The following LRP4 variants were observed in gnomAD, a reference collection of about 807,000 sequenced individuals.
LRP4 encodes low-density lipoprotein receptor-related protein 4.
A neutral mutation model predicts 220.3 loss-of-function variants in LRP4; 95 were observed. The ratio of observed to expected loss-of-function variants is 0.43; its 90% CI spans 0.37 to 0.51. LRP4 has a LOEUF of 0.51. LRP4 is among the 20% of genes least tolerant of loss of function. LRP4 has a pLI of 0.00. For synonymous variants in LRP4, 903 were observed against 954.6 expected, an observed-to-expected ratio of 0.95 and a Z score of 1.00; for missense variants, 1,925 against 2,567.0, an observed-to-expected ratio of 0.75 and a Z score of 5.40.
chr11:46,900,942 A>G (rs1256057048), intron 2 of LRP4, among the ~76,000 whole-genome samples: 1 of 151,488 alleles, frequency 6.6e-6, no homozygotes, highest in Non-Finnish European at 1.5e-5. Flanking sequence ...GCCCGCTGCC[A>G]CACCCAGCTA....
intron 2 of LRP4, among the ~76,000 whole-genome samples, chr11:46,901,276 A>C (rs992940526): frequency 5.9e-5 from 9 of 152,214 alleles, no homozygotes; most frequent in Admixed American, 2.6e-4. Flanking sequence ...TAAGAAAAAC[A>C]TGAGCAAGAG....
At position 46,871,750 on chromosome 11, in the gene LRP4, A is replaced by G. The variant is rs947379893; in HGVS notation, c.4584-117T>C. The G allele has an allele frequency of 5.4e-6, 4 of 735,830 alleles. No individual in the cohort carries two copies. In the African/African-American group the frequency reaches 6.9e-5, roughly 13 times the overall value. The allele number at this position is 735,830 out of a possible 1,614,324, so 45.6% of individuals were successfully genotyped here. On this transcript the variant is annotated intron_variant, in intron 30 of 37. Transcript: ENST00000378623. ...GACTGGCAGATGCTATGAGAACTCA[A>G]GAAGCACCCTCGATGAGGGGTCATT...
intron 1 of LRP4, among the ~76,000 whole-genome samples, chr11:46,916,639 C>G (rs1294530124): frequency 6.6e-6 from 1 of 152,026 alleles, no homozygotes; most frequent in Admixed American, 6.6e-5. Context: ...CCAGCTCCCC[C>G]TTCCCTAGGG....
Position 46,889,541 on chromosome 11 carries a change from A to G in LRP4, c.2093-8T>C. On this transcript the variant is annotated splice_polypyrimidine_tract_variant and splice_region_variant and intron_variant, in intron 15 of 37. Coordinates refer to ENST00000378623, the MANE Select transcript of LRP4 (RefSeq NM_002334.4). The stretch of plus-strand genomic sequence containing the variant: ...CCCCACAGCGGTTTTTCCCTGCTCA[A>G]AGAGCCCAGGGCAAGAGGATCAGCG... 6.2e-7 allele frequency: 1 copy of G among 1,613,432 alleles called. No individual in the cohort carries two copies.
Position 46,896,234 on chromosome 11 carries a change from C to T in LRP4, c.1024G>A (p.Asp342Asn), listed in dbSNP as rs773586709. ...NGVNDCGDNSDESPQQNCRPR... is the reference protein window; with the variant it reads ...NGVNDCGDNSNESPQQNCRPR... ...CGGCAATTCTGCTGTGGGCTTTCGT[C>T]GCTGTTGTCACCACAGTCGTTGACC... The change falls in exon 9 of 38, where the codon GAC becomes AAC. Residue 342 changes from aspartate (D) to asparagine (N), a missense_variant. By Grantham distance (23) the Asp-to-Asn change is conservative. Transcript: ENST00000378623. 1.9e-6 allele frequency: 3 copies of T among 1,614,096 alleles called. No individual in the cohort carries two copies. The highest frequency in any genetic ancestry group is 1.3e-5 in the African/African-American group (1 of 75,064).
chr11:46,894,427 A>G (rs1941481940), intron 12 of LRP4, among the ~76,000 whole-genome samples, 162 bp downstream of exon 12: 1 of 152,208 alleles, frequency 6.6e-6, no homozygotes, highest in Admixed American at 6.5e-5. Context: ...TAAAATTGAT[A>G]TACATTAACA....
chr11:46,900,060 A>C, intron 3 of LRP4, 84 bp from the exon 4 acceptor site: 1 of 1,159,874 alleles, frequency 8.6e-7, no homozygotes, highest in South Asian at 1.2e-5. Context: ...CGGAGCAGTC[A>C]AGTAGCTCCA....
In LRP4 at chr11:46,859,083, C is replaced by T. The variant is rs1312872252; in HGVS notation, c.5618G>A (p.Cys1873Tyr). ...EQLLQEEQSE[C>Y]SSVHTAATPE... ...AGTGGCTGCAGTATGGACGCTGCTA[C>T]ACTCAGACTGCTCTTCCTGTAACAG... is the stretch of plus-strand genomic sequence containing the variant. Residue 1873 changes from cysteine to tyrosine, a missense_variant, in exon 38 of 38, where the codon TGT becomes TAT. Cys to Tyr is a radical substitution (Grantham distance 194). Coordinates refer to ENST00000378623, the MANE Select transcript of LRP4 (RefSeq NM_002334.4). The T allele has an allele frequency of 1.9e-6, 3 of 1,614,162 alleles. No individual in the cohort carries two copies. Among genetic ancestry groups the T allele is most frequent in the South Asian group, 2.2e-5 (2 of 91,084 alleles).
rs60125188 is a variant in LRP4, at chr11:46,881,058, CAAAAAAAAAAAA to C, written c.2814+632_2814+643del. ...CAGCATGACCCTGCCTCTAAAAAAC[CAAAAAAAAAAAA>C]AAAAAAAAAAAAAAAGACAGTAATA... On this transcript the variant is annotated intron_variant, in intron 20 of 37. Coordinates refer to ENST00000378623, the MANE Select transcript of LRP4 (RefSeq NM_002334.4). Among the ~76,000 whole-genome samples, 160 of 56,116 alleles carry C rather than the reference CAAAAAAAAAAAA, an allele frequency of 2.9e-3. 1 individual carries two copies. The highest frequency in any genetic ancestry group is 0.016 in the Middle Eastern group (1 of 64). The allele number at this position is 56,116 out of a possible 152,430, so 36.8% of individuals were successfully genotyped here. A position where few individuals can be genotyped will look rare whatever the true frequency, so the allele number is the denominator to read the frequency against.
In LRP4 at chr11:46,857,713, G is replaced by C. The variant is rs796074160; in HGVS notation, c.*1270C>G. On this transcript the variant is annotated 3_prime_UTR_variant, in exon 38 of 38. Coordinates refer to ENST00000378623, the MANE Select transcript of LRP4 (RefSeq NM_002334.4). ...GGCAAAAATAAGTCTCAATTTCCCT[G>C]ATACCAGGCTGAGACACGTGCCCTT... is the stretch of plus-strand genomic sequence containing the variant. The C allele has an allele frequency of 1.6e-4, 24 of 152,694 alleles. No homozygotes were observed. Among genetic ancestry groups the C allele is most frequent in the African/African-American group, 5.8e-4 (24 of 41,574 alleles). 9.5% of individuals were successfully genotyped at this position (152,694 alleles called of 1,614,324 possible).
At position 46,875,311 on chromosome 11, in the gene LRP4, C is replaced by T; in HGVS notation, c.3925+145G>A. The T allele has an allele frequency of 1.1e-6, 1 of 907,326 alleles. No individual in the cohort carries two copies. Among genetic ancestry groups the T allele is most frequent in the Non-Finnish European group, 1.7e-6 (1 of 575,720 alleles). 56.2% of individuals were successfully genotyped at this position (907,326 alleles called of 1,614,324 possible). Reference sequence around the variant, plus strand: ...TAGTACCAGCCATACCCAGAGAGAACACAGCCCAATCTGGAAGGGAGCTTA... The same window carrying T: ...TAGTACCAGCCATACCCAGAGAGAATACAGCCCAATCTGGAAGGGAGCTTA... On this transcript the variant is annotated intron_variant, in intron 27 of 37. Coordinates refer to ENST00000378623, the MANE Select transcript of LRP4 (RefSeq NM_002334.4). The surrounding 1 kb of genome is among the most constrained non-coding windows in gnomAD (Gnocchi z 4.5).
At chr11:46,865,242 C>G in intron 34 of LRP4, 56 bp from the exon 35 acceptor site, 1 of 1,318,266 alleles carries the variant, frequency 7.6e-7, no homozygotes, top group East Asian at 2.5e-5. Flanking sequence ...GAAGGTCATG[C>G]CTTCCTCCAG....
chr11:46,912,655 C>T (rs188384367), intron 1 of LRP4, among the ~76,000 whole-genome samples: 173 of 152,302 alleles, frequency 1.1e-3, no homozygotes, highest in African/African-American at 3.9e-3. Context: ...CCCCACCTCC[C>T]CCAAGGCGTG....
chr11:46,884,168 G>A (rs1941227132), intron 18 of LRP4, among the ~76,000 whole-genome samples, 192 bp from the exon 19 acceptor site: 1 of 152,176 alleles, frequency 6.6e-6, no homozygotes, highest in African/African-American at 2.4e-5. Context: ...TGATCAGTTG[G>A]ATTTCTTGAA....
chr11:46,909,262 C>T (rs1565806041), intron 1 of LRP4, among the ~76,000 whole-genome samples: 1 of 151,850 alleles, frequency 6.6e-6, no homozygotes, highest in Non-Finnish European at 1.5e-5. Context: ...TGTGAGTGTT[C>T]TGGAGTCTGG....
chr11:46,911,839 T>TCC (rs1207156310), intron 1 of LRP4, among the ~76,000 whole-genome samples: 18 of 106,836 alleles, frequency 1.7e-4, no homozygotes, highest in Non-Finnish European at 3.2e-4. Context: ...GATGGGAATC[T>TCC]TCTTTTTTTT....
Position 46,895,200 on chromosome 11 carries a change from T to C in LRP4, c.1275A>G (p.Glu425=), listed in dbSNP as rs1317743183. 1 of 1,614,072 alleles carries C rather than the reference T, an allele frequency of 6.2e-7. No individual in the cohort carries two copies. The highest frequency in any genetic ancestry group is 8.5e-7 in the Non-Finnish European group (1 of 1,180,032). Reference sequence around the variant, plus strand: ...TGCAGCTGCGCCGGTCGGGCCGTAGTTCATAGCCTGTTTCACACCAGCATT... The same window carrying C: ...TGCAGCTGCGCCGGTCGGGCCGTAGCTCATAGCCTGTTTCACACCAGCATT... ...AFQCWCETGY[E]LRPDRRSCKA... is the part of the protein sequence containing the mutation. Residue 425 remains glutamate (E), a synonymous_variant, in exon 11 of 38, where the codon GAA becomes GAG. Transcript: ENST00000378623.
chr11:46,890,363 C>T lies in LRP4; in HGVS notation c.1829G>A (p.Arg610His), dbSNP rs17848218. Residue 610 changes from arginine to histidine, a missense_variant, in exon 14 of 38, where the codon CGC becomes CAC. By Grantham distance (29) the Arg-to-His change is conservative. Around this residue, in one of 3 missense-constraint regions of LRP4, gnomAD observed 269 missense variants for 436.7 expected, o/e 0.62. Coordinates refer to ENST00000378623, the MANE Select transcript of LRP4 (RefSeq NM_002334.4). The surrounding 1 kb of genome is among the most constrained non-coding windows in gnomAD (Gnocchi z 5.3). ...PNGLTIDYAG[R>H]RMYWVDAKHH... is the part of the protein sequence containing the mutation. The stretch of plus-strand genomic sequence containing the variant: ...CTTAGCATCCACCCAGTACATACGG[C>T]GCCCGGCATAGTCGATGGTGAGGCC... 10 of 1,614,032 alleles carry T rather than the reference C, an allele frequency of 6.2e-6. No homozygotes were observed. The East Asian group carries it at 1.1e-4, about 18-fold the overall frequency.
At chr11:46,880,072 G>A (rs61898527) in intron 20 of LRP4, among the ~76,000 whole-genome samples, 3 of 152,128 alleles carry the variant, frequency 2.0e-5, no homozygotes, top group African/African-American at 4.8e-5. Flanking sequence ...ACCATTGCAC[G>A]CCAGTCTGGG....
Sources: gnomAD v4.1 joint callset for allele counts (sites outside exome capture counted in the v4.1 genomes callset) on GRCh38, gnomAD v4.1.1 for gene constraint, gnomAD v4.1.1 regional missense constraint, Gnocchi (gnomAD v3.1) non-coding constraint, MANE v1.5 for transcripts, NCBI Gene and HGNC (gene_info 2026-07-23, HGNC 2026-07-21) for gene names.